The following SHISA9 variants were observed in gnomAD, a reference collection of about 807,000 sequenced individuals.
SHISA9 encodes protein shisa-9.
Under a neutral mutation model 38.0 loss-of-function variants are expected in SHISA9, and 13 were observed. The ratio of observed to expected loss-of-function variants is 0.34; its 90% CI spans 0.22 to 0.54. The LOEUF (loss-of-function observed/expected upper bound fraction) is 0.54. SHISA9 is among the 20% of genes least tolerant of loss of function. The pLI is 0.91. For missense variants in SHISA9, 538 were observed against 575.8 expected (o/e 0.93, Z 0.67); for synonymous variants, 275 against 242.0 (o/e 1.14, Z -1.27).
the SHISA9 span, among the ~76,000 whole-genome samples, chr16:13,261,192 C>T: frequency 6.6e-6 from 1 of 151,986 alleles, no homozygotes; most frequent in African/African-American, 2.4e-5. Context: ...TTGCCTATGC[C>T]CATGAGGACT....
chr16:13,359,610 A>C, the SHISA9 span, among the ~76,000 whole-genome samples: 1 of 152,226 alleles, frequency 6.6e-6, no homozygotes, highest in Non-Finnish European at 1.5e-5. Flanking sequence ...GAAAACTCCA[A>C]TTTATCACCA....
the SHISA9 span, among the ~76,000 whole-genome samples, chr16:13,536,033 C>G: frequency 0.022 from 3,338 of 151,490 alleles, 49 homozygotes; most frequent in Non-Finnish European, 0.034. Flanking sequence ...AAGTCTCACC[C>G]TGTCACCTAG....
chr16:13,039,754 C>A (rs2073113467), intron 2 of SHISA9, among the ~76,000 whole-genome samples: 1 of 152,000 alleles, frequency 6.6e-6, no homozygotes, highest in Non-Finnish European at 1.5e-5. Context: ...TCAAAGACTG[C>A]CAAGAGCAAA....
chr16:13,421,180 G>C, the SHISA9 span, among the ~76,000 whole-genome samples: 1 of 149,162 alleles, frequency 6.7e-6, no homozygotes, highest in East Asian at 2.0e-4. Context: ...AGATGTCCTA[G>C]AGACAGTGCC....
chr16:12,927,574 AT>A (rs772330327), intron 2 of SHISA9, among the ~76,000 whole-genome samples: 501 of 136,158 alleles, frequency 3.7e-3, no homozygotes, highest in Admixed American at 5.4e-3. Context: ...ATTTTTTTTG[AT>A]TTTTTTTTTT....
At chr16:13,399,819 CATA>C in the SHISA9 span, among the ~76,000 whole-genome samples, 2 of 152,314 alleles carry the variant, frequency 1.3e-5, no homozygotes, top group South Asian at 4.1e-4. Context: ...CTGCATTTCT[CATA>C]AGCTTCCAGG....
the SHISA9 span, among the ~76,000 whole-genome samples, chr16:13,446,704 C>T: frequency 1.1e-3 from 172 of 152,072 alleles, 1 homozygote; most frequent in African/African-American, 3.8e-3. Context: ...ATGCTGGGCG[C>T]GGTGGCTTAC....
At chr16:13,285,462 G>GTTTTTTTT in the SHISA9 span, among the ~76,000 whole-genome samples, 1 of 95,788 alleles carries the variant, frequency 1.0e-5, no homozygotes, top group African/African-American at 4.2e-5. Context: ...TTCAGGTGTA[G>GTTTTTTTT]TTTTTTTTTT....
At chr16:12,981,985 A>T (rs1232376653) in intron 2 of SHISA9, among the ~76,000 whole-genome samples, 1 of 152,202 alleles carries the variant, frequency 6.6e-6, no homozygotes, top group Non-Finnish European at 1.5e-5. Context: ...CATTTCTGTT[A>T]TTTAAGCCAC....
intron 2 of SHISA9, among the ~76,000 whole-genome samples, chr16:13,049,554 A>T (rs2073227083): frequency 6.6e-6 from 1 of 152,132 alleles, no homozygotes; most frequent in Non-Finnish European, 1.5e-5. Context: ...GTGGTGATGG[A>T]GTAGGGGATA....
the SHISA9 span, among the ~76,000 whole-genome samples, chr16:13,417,389 A>C: frequency 6.6e-6 from 1 of 152,168 alleles, no homozygotes; most frequent in East Asian, 1.9e-4. Flanking sequence ...GGAAAAAAAA[A>C]AATAAGCAGA....
chr16:13,428,759 T>A, the SHISA9 span, among the ~76,000 whole-genome samples: 1 of 101,156 alleles, frequency 9.9e-6, no homozygotes, highest in African/African-American at 3.5e-5. Flanking sequence ...CAAATTTTAT[T>A]TTATTGTTTT....
chr16:12,986,454 G>T (rs1205744034), intron 2 of SHISA9, among the ~76,000 whole-genome samples: 1 of 152,188 alleles, frequency 6.6e-6, no homozygotes, highest in Non-Finnish European at 1.5e-5. Flanking sequence ...TTGTGGAGCG[G>T]TAATTAAAAT....
the SHISA9 span, among the ~76,000 whole-genome samples, chr16:13,473,568 T>C: frequency 6.6e-6 from 1 of 152,106 alleles, no homozygotes; most frequent in African/African-American, 2.4e-5. Context: ...GTCCCTGAAA[T>C]ACCCACCCTT....
intron 2 of SHISA9, among the ~76,000 whole-genome samples, chr16:13,077,207 CTCTGTT>C (rs2073592450): frequency 6.6e-6 from 1 of 152,012 alleles, no homozygotes; most frequent in African/African-American, 2.4e-5. Context: ...TCTCTGTCTC[CTCTGTT>C]TCTATTTTTC....
At chr16:12,993,378 A>C (rs1475481786) in intron 2 of SHISA9, among the ~76,000 whole-genome samples, 1 of 152,092 alleles carries the variant, frequency 6.6e-6, no homozygotes, top group Non-Finnish European at 1.5e-5. Flanking sequence ...ATACAACTGG[A>C]TTTGTATCTG....
chr16:13,014,627 C>G (rs558415409), intron 2 of SHISA9, among the ~76,000 whole-genome samples: 3 of 151,770 alleles, frequency 2.0e-5, no homozygotes, highest in Non-Finnish European at 4.4e-5. Context: ...CATCTCATCT[C>G]GGGTTACTGC....
At chr16:13,558,123 C>A in the SHISA9 span, among the ~76,000 whole-genome samples, 3 of 151,950 alleles carry the variant, frequency 2.0e-5, no homozygotes, top group African/African-American at 7.3e-5. Context: ...TTGCATTTTT[C>A]TACAGCTCTT....
chr16:13,187,431 T>C (rs2050837863), intron 2 of SHISA9, among the ~76,000 whole-genome samples: 1 of 150,658 alleles, frequency 6.6e-6, no homozygotes. Context: ...ACCTCCTGTG[T>C]TCAAGCGATT....
Sources: allele counts gnomAD v4.1 joint callset (sites outside exome capture counted in the v4.1 genomes callset), GRCh38; gene constraint gnomAD v4.1.1; transcripts MANE v1.5; gene names NCBI Gene and HGNC (gene_info 2026-07-23, HGNC 2026-07-21).